Variants in GSTA4 observed in about 807,000 individuals in gnomAD.
GSTA4 encodes glutathione S-transferase alpha 4.
In GSTA4, 15 loss-of-function variants were observed where a neutral mutation model predicts 24.4. The ratio of observed to expected loss-of-function variants is 0.61; its 90% CI spans 0.41 to 0.95. GSTA4 has a LOEUF of 0.95. Ranked by LOEUF, GSTA4 falls within the 40% of genes least tolerant of loss-of-function variation. The pLI, the probability that GSTA4 is intolerant of heterozygous loss-of-function variation, is 0.00. For missense variants in GSTA4, 244 were observed against 262.1 expected (o/e 0.93, Z 0.48); for synonymous variants, 92 against 94.2 (o/e 0.98, Z 0.13).
intron 6 of GSTA4, among the ~76,000 whole-genome samples, chr6:52,980,494 G>A (rs1005309835): frequency 1.3e-5 from 2 of 152,012 alleles, no homozygotes; most frequent in African/African-American, 4.8e-5. Context: ...AGTAGAGATG[G>A]GGTTTCACCA....
chr6:52,992,809 A>G (rs191688158), intron 2 of GSTA4, among the ~76,000 whole-genome samples: 1 of 152,276 alleles, frequency 6.6e-6, no homozygotes, highest in Non-Finnish European at 1.5e-5. Flanking sequence ...GTAAAAGGAC[A>G]TTAGCAAAGG....
chr6:52,982,477 C>CAT, intron 6 of GSTA4, 97 bp downstream of exon 6: 3 of 627,960 alleles, frequency 4.8e-6, no homozygotes, highest in Admixed American at 3.4e-5. Flanking sequence ...ATTACACATA[C>CAT]ACACACACAC....
chr6:52,985,318 T>C, intron 4 of GSTA4, 133 bp downstream of exon 4: 1 of 727,536 alleles, frequency 1.4e-6, no homozygotes, highest in South Asian at 2.5e-5. Context: ...CTTCGTGACC[T>C]TCTTGGGTTT....
chr6:52,981,482 C>A (rs981173897), intron 6 of GSTA4, among the ~76,000 whole-genome samples: 1 of 152,178 alleles, frequency 6.6e-6, no homozygotes, highest in Admixed American at 6.5e-5. Context: ...ACAAAAGTAA[C>A]CTTGACATTG....
intron 2 of GSTA4, among the ~76,000 whole-genome samples, chr6:52,990,940 C>T (rs1010516827): frequency 4.6e-5 from 7 of 152,200 alleles, no homozygotes; most frequent in African/African-American, 1.7e-4. Flanking sequence ...ATCACCACAT[C>T]TTCCAATTTC....
At position 52,987,539 on chromosome 6, in the gene GSTA4, C is replaced by T. The variant is rs1480186802; in HGVS notation, c.88-131G>A. 8.5e-6 allele frequency: 5 copies of T among 586,280 alleles called. 1 individual carries two copies. The South Asian group carries it at 1.1e-4, about 13-fold the overall frequency. The allele number at this position is 586,280 out of a possible 1,614,324, so 36.3% of individuals were successfully genotyped here. Reference sequence around the variant, plus strand: ...ATTACGTTAAGTGAAATAAGCCAGGCACAGAAAGACAAAGACTGCATGTTC... The same window carrying T: ...ATTACGTTAAGTGAAATAAGCCAGGTACAGAAAGACAAAGACTGCATGTTC... On this transcript the variant is annotated intron_variant, in intron 2 of 6. Coordinates refer to ENST00000370963, the MANE Select transcript of GSTA4 (RefSeq NM_001512.4).
At position 52,985,530 on chromosome 6, in the gene GSTA4, A is replaced by T; in HGVS notation, c.193T>A (p.Leu65Met). ...VPMVEIDGMKLVQTRSILHYI... is the reference protein window; with the variant it reads ...VPMVEIDGMKMVQTRSILHYI... ...TGGAGAATGCTTCGGGTCTGTACCA[A>T]CTTCATCCCGTCAATTTCAACCATG... The change falls in exon 4 of 7, where the codon TTG (leucine) becomes ATG (methionine). Residue 65 changes from leucine to methionine, a missense_variant. By Grantham distance (15) the Leu-to-Met change is conservative (BLOSUM62 2). Coordinates refer to ENST00000370963, the MANE Select transcript of GSTA4 (RefSeq NM_001512.4). 6.2e-7 allele frequency: 1 copy of T among 1,614,000 alleles called. No individual in the cohort carries two copies. The highest frequency in any genetic ancestry group is 2.2e-5 in the East Asian group (1 of 44,886).
At position 52,984,571 on chromosome 6, in the gene GSTA4, G is replaced by A; in HGVS notation, c.307C>T (p.Leu103=). Reference sequence around the variant, plus strand: ...AAAGGATGCATGATAAGCAGTTCCAGCAGATCCAGTGTCCCCTCCACGTAC... The same window carrying A: ...AAAGGATGCATGATAAGCAGTTCCAACAGATCCAGTGTCCCCTCCACGTAC... ...DMYVEGTLDL[L]ELLIMHPFLK... is the part of the protein sequence containing the mutation. The change falls in exon 5 of 7, where the codon CTG becomes TTG. Residue 103 remains leucine (L), a synonymous_variant. Transcript: ENST00000370963. 1 of 1,613,382 alleles carries A rather than the reference G, an allele frequency of 6.2e-7. No homozygotes were observed. The highest frequency in any genetic ancestry group is 1.1e-5 in the South Asian group (1 of 91,062).
intron 3 of GSTA4, among the ~76,000 whole-genome samples, chr6:52,986,810 T>C (rs1358077246): frequency 3.3e-5 from 5 of 152,150 alleles, no homozygotes; most frequent in Non-Finnish European, 7.4e-5. Context: ...CTCACAGGGT[T>C]GATGGGCGCA....
chr6:52,982,854 T>C lies in GSTA4; in HGVS notation c.415-149A>G, dbSNP rs973343685. On this transcript the variant is annotated intron_variant, in intron 5 of 6. Coordinates refer to ENST00000370963, the MANE Select transcript of GSTA4 (RefSeq NM_001512.4). ...TAACATCAATTAAGAGAACGCACCC[T>C]ATATCTGACAGAGAGAGTGAGAGAG... The C allele has an allele frequency of 6.2e-5, 40 of 640,290 alleles. No individual in the cohort carries two copies. The Admixed American group carries it at 1.1e-3, about 18-fold the overall frequency. The allele number at this position is 640,290 out of a possible 1,614,324, so 39.7% of individuals were successfully genotyped here. A position where few individuals can be genotyped will look rare whatever the true frequency, so the allele number is the denominator to read the frequency against.
At chr6:52,987,479 T>A in intron 2 of GSTA4, 71 bp from the exon 3 acceptor site, 1 of 821,124 alleles carries the variant, frequency 1.2e-6, no homozygotes, top group South Asian at 1.5e-5. Flanking sequence ...AACAAAATCC[T>A]GTCATTTTCA....
In GSTA4 at chr6:52,978,561, G is replaced by A. The variant is rs772036565; in HGVS notation, c.578C>T (p.Thr193Ile). Residue 193 changes from threonine to isoleucine, a missense_variant, in exon 7 of 7, where the codon ACA becomes ATA. Physicochemically the swap from Thr to Ile is moderately conservative, Grantham distance 89. Coordinates refer to ENST00000370963, the MANE Select transcript of GSTA4 (RefSeq NM_001512.4). Reference protein sequence around the residue: ...EYTVKLSNIPTIKRFLEPGSK... With the variant: ...EYTVKLSNIPIIKRFLEPGSK... ...GCCAGGTTCAAGGAATCTCTTAATT[G>A]TAGGGATATTACTTAGTTTCACTGT... 1 of 1,610,912 alleles carries A rather than the reference G, an allele frequency of 6.2e-7. No individual in the cohort carries two copies. The highest frequency in any genetic ancestry group is 1.7e-5 in the Admixed American group (1 of 59,908).
In GSTA4 at chr6:52,985,446, A is replaced by C; in HGVS notation, c.272+5T>G. 1.2e-6 allele frequency: 2 copies of C among 1,611,982 alleles called. No individual in the cohort carries two copies. Among genetic ancestry groups the C allele is most frequent in the Non-Finnish European group, 1.7e-6 (2 of 1,179,170 alleles). On this transcript the variant is annotated splice_donor_5th_base_variant and intron_variant, in intron 4 of 6. Transcript: ENST00000370963. ...AGTGACAACACTCGAGAGGGGCCACAGTACAGGGTTCTCTCCTTGAGGTTC... is the reference window on the plus strand; with the variant it reads ...AGTGACAACACTCGAGAGGGGCCACCGTACAGGGTTCTCTCCTTGAGGTTC...
rs1763532602 is a variant in GSTA4 at position 52,985,459 on chromosome 6, C to G, written c.264G>C (p.Glu88Asp). 3.1e-6 allele frequency: 5 copies of G among 1,614,038 alleles called. No individual in the cohort carries two copies. The highest frequency in any genetic ancestry group is 1.7e-4 in the Middle Eastern group (1 of 6,058). Residue 88 changes from glutamate (E) to aspartate (D), a missense_variant, in exon 4 of 7, where the codon GAG (glutamate) becomes GAC (aspartate). Glu to Asp is a conservative substitution (Grantham distance 45). Coordinates refer to ENST00000370963, the MANE Select transcript of GSTA4 (RefSeq NM_001512.4). ...GAGAGGGGCCACAGTACAGGGTTCT[C>G]TCCTTGAGGTTCTTGCCAAAGAGAT... ...KHNLFGKNLK[E>D]RTLIDMYVEG... is the part of the protein sequence containing the mutation.
chr6:52,979,312 C>T (rs917090463), intron 6 of GSTA4, among the ~76,000 whole-genome samples: 1 of 152,178 alleles, frequency 6.6e-6, no homozygotes, highest in Non-Finnish European at 1.5e-5. Context: ...AGTAAAGGTG[C>T]TTTAAAAAGT....
At chr6:52,979,735 A>G (rs1175324800) in intron 6 of GSTA4, among the ~76,000 whole-genome samples, 1 of 152,250 alleles carries the variant, frequency 6.6e-6, no homozygotes, top group Admixed American at 6.5e-5. Context: ...TTAATTAAGC[A>G]CACACACAAA....
intron 3 of GSTA4, among the ~76,000 whole-genome samples, 153 bp from the exon 4 acceptor site, chr6:52,985,736 G>A (rs17615213): frequency 0.046 from 7,070 of 152,284 alleles, 226 homozygotes; most frequent in Non-Finnish European, 0.067. Flanking sequence ...ACTTCATTCA[G>A]GAGAGCAGAT....
chr6:52,987,568 T>G (rs1309415002), intron 2 of GSTA4, 160 bp from the exon 3 acceptor site: 7 of 536,592 alleles, frequency 1.3e-5, no homozygotes, highest in Non-Finnish European at 2.3e-5. Flanking sequence ...CATGTTCTGA[T>G]TCATATGTGG....
intron 5 of GSTA4, 79 bp downstream of exon 5, chr6:52,984,385 C>T (rs1412502948): frequency 1.5e-6 from 2 of 1,348,460 alleles, no homozygotes; most frequent in Non-Finnish European, 2.1e-6. Flanking sequence ...AATCCTTGGA[C>T]AGAAAAGGGT....
Sources: gnomAD v4.1 joint callset for allele counts (sites outside exome capture counted in the v4.1 genomes callset) on GRCh38, gnomAD v4.1.1 for gene constraint, MANE v1.5 for transcripts, NCBI Gene and HGNC (gene_info 2026-07-23, HGNC 2026-07-21) for gene names.